The following PKNOX2 variants were observed in gnomAD, a reference collection of about 807,000 sequenced individuals.
PKNOX2 encodes PBX/knotted 1 homeobox 2, also known as homeobox protein PKNOX2.
In PKNOX2, 14 loss-of-function variants were observed where a neutral mutation model predicts 53.1. The observed-to-expected ratio is 0.26, with a 90% CI of 0.17 to 0.41. The LOEUF (loss-of-function observed/expected upper bound fraction) is 0.41. PKNOX2 is among the 10% of genes least tolerant of loss of function. The pLI, the probability that PKNOX2 is intolerant of heterozygous loss-of-function variation, is 1.00. For missense variants in PKNOX2, 496 were observed against 602.8 expected, an observed-to-expected ratio of 0.82 and a Z score of 1.85; for synonymous variants, 257 against 242.8, an observed-to-expected ratio of 1.06 and a Z score of -0.54.
intron 2 of PKNOX2, among the ~76,000 whole-genome samples, chr11:125,273,472 C>T (rs1248098698): frequency 2.0e-5 from 3 of 152,194 alleles, no homozygotes; most frequent in Non-Finnish European, 4.4e-5. Flanking sequence ...CTGCTACCCA[C>T]CTCCCTATGG....
chr11:125,238,284 G>A (rs1044235483), intron 2 of PKNOX2, among the ~76,000 whole-genome samples: 1 of 152,182 alleles, frequency 6.6e-6, no homozygotes, highest in Non-Finnish European at 1.5e-5. Context: ...GGGGTGAGTG[G>A]ACTTGGTCTT....
At chr11:125,177,323 G>C (rs148304715) in intron 1 of PKNOX2, among the ~76,000 whole-genome samples, 32 of 152,206 alleles carry the variant, frequency 2.1e-4, no homozygotes, top group African/African-American at 7.5e-4. Flanking sequence ...GTTAGAGAGA[G>C]ACTGATGGGC....
chr11:125,386,422 ATCTGAATTCTCATCTAGT>A (rs1953636712), intron 6 of PKNOX2, among the ~76,000 whole-genome samples: 1 of 152,228 alleles, frequency 6.6e-6, no homozygotes, highest in Non-Finnish European at 1.5e-5. Flanking sequence ...GTTGGATGAC[ATCTGAATTCTCATCTAGT>A]TCTGGAAATT....
intron 4 of PKNOX2, among the ~76,000 whole-genome samples, chr11:125,358,472 G>A (rs956645851): frequency 2.0e-5 from 3 of 152,224 alleles, no homozygotes; most frequent in Non-Finnish European, 2.9e-5. Flanking sequence ...GACAGCCCAG[G>A]AAATGCAGTT....
chr11:125,356,537 T>C (rs1045864929), intron 4 of PKNOX2, among the ~76,000 whole-genome samples: 4 of 152,186 alleles, frequency 2.6e-5, no homozygotes, highest in African/African-American at 7.2e-5. Context: ...ACCCCGATCC[T>C]CCAGCATCCC....
chr11:125,176,431 G>T (rs770126473), intron 1 of PKNOX2, among the ~76,000 whole-genome samples: 8 of 152,230 alleles, frequency 5.3e-5, no homozygotes, highest in African/African-American at 1.2e-4. Flanking sequence ...CATGGGAGAG[G>T]AAGACGTTCA....
chr11:125,424,434 T>C (rs1181053565), intron 10 of PKNOX2, among the ~76,000 whole-genome samples: 2 of 152,174 alleles, frequency 1.3e-5, no homozygotes, highest in South Asian at 4.2e-4. Context: ...AATGTGGTCG[T>C]TTTGGGGCCC....
chr11:125,308,372 A>G (rs1368153541), intron 2 of PKNOX2, among the ~76,000 whole-genome samples: 1 of 151,608 alleles, frequency 6.6e-6, no homozygotes, highest in Non-Finnish European at 1.5e-5. Flanking sequence ...TTCCTTTCCC[A>G]CCTCTGCTCA....
intron 11 of PKNOX2, among the ~76,000 whole-genome samples, chr11:125,429,744 A>G (rs2135701384): frequency 1.3e-5 from 2 of 152,244 alleles, no homozygotes; most frequent in East Asian, 3.9e-4. Context: ...CTGACCCCCC[A>G]TGCATTCTTC....
At position 125,214,592 on chromosome 11, in the gene PKNOX2, T is replaced by C. The variant is rs1940259973; in HGVS notation, c.-200-20453T>C. Among the ~76,000 whole-genome samples the C allele has an allele frequency of 2.6e-5, 4 of 152,076 alleles. No homozygotes were observed. The South Asian group carries it at 8.3e-4, about 32-fold the overall frequency. On this transcript the variant is annotated intron_variant, in intron 1 of 12. Coordinates refer to ENST00000298282, the MANE Select transcript of PKNOX2 (RefSeq NM_001382323.2). ...TGGGCTGGCCCTGCCTGGGTGCAAG[T>C]TGAGCCATACCCTGGGCCAGCCTCT...
chr11:125,312,465 G>A (rs1300548045), intron 2 of PKNOX2, among the ~76,000 whole-genome samples: 1 of 152,194 alleles, frequency 6.6e-6, no homozygotes, highest in Non-Finnish European at 1.5e-5. Flanking sequence ...CAGGTTCTGT[G>A]GGAAGTCACC....
In PKNOX2 at chr11:125,282,469, G is replaced by A. The variant is rs74763452; in HGVS notation, c.-130+47354G>A. On this transcript the variant is annotated intron_variant, in intron 2 of 12. Transcript: ENST00000298282. ...GGCATCTGAGTCACCTGGAGGGCTT[G>A]TAAAATCACAGATTGCTGGGCCCTC... 8.2e-3 allele frequency among the ~76,000 whole-genome samples: 1,250 copies of A among 152,304 alleles called. 19 individuals are homozygous for A. Among genetic ancestry groups the A allele is most frequent in the African/African-American group, 0.028 (1,182 of 41,560 alleles).
At chr11:125,353,961 G>T (rs1202930983) in intron 4 of PKNOX2, among the ~76,000 whole-genome samples, 1 of 152,142 alleles carries the variant, frequency 6.6e-6, no homozygotes. Flanking sequence ...GATGCCCCCA[G>T]AACAAAGGCT....
intron 1 of PKNOX2, among the ~76,000 whole-genome samples, chr11:125,178,457 G>C (rs1434681752): frequency 6.7e-6 from 1 of 150,152 alleles, no homozygotes; most frequent in East Asian, 1.9e-4. Context: ...GTTGCGGTGA[G>C]CCGAGATTGT....
At chr11:125,305,527 T>G (rs913815427) in intron 2 of PKNOX2, among the ~76,000 whole-genome samples, 1 of 152,178 alleles carries the variant, frequency 6.6e-6, no homozygotes, top group Admixed American at 6.5e-5. Context: ...GGCTGGTTCT[T>G]GGGCACCCCC....
chr11:125,353,963 A>G (rs2136214314), intron 4 of PKNOX2, among the ~76,000 whole-genome samples: 1 of 152,270 alleles, frequency 6.6e-6, no homozygotes, highest in South Asian at 2.1e-4. Context: ...TGCCCCCAGA[A>G]CAAAGGCTTC....
intron 5 of PKNOX2, among the ~76,000 whole-genome samples, chr11:125,382,410 C>A (rs561822179): frequency 6.6e-6 from 1 of 152,348 alleles, no homozygotes; most frequent in East Asian, 1.9e-4. Flanking sequence ...GCAGCTGCCA[C>A]GGGGTTGCAG....
At chr11:125,274,809 A>G (rs1020964686) in intron 2 of PKNOX2, among the ~76,000 whole-genome samples, 1 of 152,188 alleles carries the variant, frequency 6.6e-6, no homozygotes, top group Admixed American at 6.5e-5. Context: ...TGTAGGTGGA[A>G]AGTCAGATCA....
intron 1 of PKNOX2, among the ~76,000 whole-genome samples, chr11:125,197,278 T>C (rs1937829516): frequency 6.6e-6 from 1 of 152,228 alleles, no homozygotes; most frequent in Non-Finnish European, 1.5e-5. Flanking sequence ...TCAGCCACTG[T>C]GACCCTCAGA....
Sources: allele counts gnomAD v4.1 joint callset (sites outside exome capture counted in the v4.1 genomes callset), GRCh38; gene constraint gnomAD v4.1.1; transcripts MANE v1.5; gene names NCBI Gene and HGNC (gene_info 2026-07-23, HGNC 2026-07-21).